Variants in SCO1 observed in about 807,000 individuals in gnomAD.
SCO1 encodes the protein cytochrome c oxidase assembly factor SCO1.
Under a neutral mutation model 34.0 loss-of-function variants are expected in SCO1, and 23 were observed. The ratio of observed to expected loss-of-function variants is 0.68; its 90% CI spans 0.49 to 0.96. SCO1 has a LOEUF of 0.96. Among genes scored for constraint, SCO1 ranks in the 40% least tolerant of loss-of-function variants. SCO1 has a pLI of 0.00. For missense variants in SCO1, 404 were observed against 381.6 expected, an observed-to-expected ratio of 1.06 and a Z score of -0.49; for synonymous variants, 161 against 145.5, an observed-to-expected ratio of 1.11 and a Z score of -0.77.
At chr17:10,687,916 T>C (rs936774047) in intron 4 of SCO1, among the ~76,000 whole-genome samples, 1 of 152,228 alleles carries the variant, frequency 6.6e-6, no homozygotes, top group Non-Finnish European at 1.5e-5. Flanking sequence ...ATGTTTAAAT[T>C]GAAGACTGTG....
chr17:10,695,865 T>C (rs773585112), intron 1 of SCO1, 34 bp from the exon 2 acceptor site: 14 of 1,475,332 alleles, frequency 9.5e-6, no homozygotes, highest in Non-Finnish European at 1.2e-5. Flanking sequence ...ATAAAAATTC[T>C]AGTAAGATGC....
chr17:10,683,388 T>C (rs568616001), intron 5 of SCO1, among the ~76,000 whole-genome samples: 46 of 152,312 alleles, frequency 3.0e-4, no homozygotes, highest in African/African-American at 1.1e-3. Context: ...GGTATATTTA[T>C]AGGATAAAGT....
At position 10,693,040 on chromosome 17, in the gene SCO1, C is replaced by T. The variant is rs951552121; in HGVS notation, c.365-79G>A. ...GTACTCAAATACCTGACATATGGCCCGTACTATGCTACTCATGGTGGGGGC... is the reference window on the plus strand; with the variant it reads ...GTACTCAAATACCTGACATATGGCCTGTACTATGCTACTCATGGTGGGGGC... On this transcript the variant is annotated intron_variant, in intron 2 of 5. Coordinates refer to ENST00000255390, the MANE Select transcript of SCO1 (RefSeq NM_004589.4). 7 of 1,201,900 alleles carry T rather than the reference C, an allele frequency of 5.8e-6. No individual in the cohort carries two copies. The African/African-American group carries it at 9.0e-5, about 15-fold the overall frequency. 74.5% of individuals were successfully genotyped at this position (1,201,900 alleles called of 1,614,324 possible).
intron 1 of SCO1, among the ~76,000 whole-genome samples, chr17:10,696,337 C>T (rs1406520021): frequency 2.6e-5 from 4 of 151,382 alleles, no homozygotes; most frequent in Non-Finnish European, 4.4e-5. Context: ...CCCAGCTACA[C>T]GGGAGGCTGA....
Position 10,678,493 on chromosome 17 carries a change from G to A in SCO1, c.*2626C>T, listed in dbSNP as rs962035528. The A allele has an allele frequency of 2.6e-5, 4 of 152,234 alleles. No homozygotes were observed. Among genetic ancestry groups the A allele is most frequent in the African/African-American group, 7.2e-5 (3 of 41,460 alleles). 9.4% of individuals were successfully genotyped at this position (152,234 alleles called of 1,614,324 possible). On this transcript the variant is annotated 3_prime_UTR_variant, in exon 6 of 6. Coordinates refer to ENST00000255390, the MANE Select transcript of SCO1 (RefSeq NM_004589.4). ...ATTTCACAAGCCTTAACCTGCAACA[G>A]CTGAGAACGAAGACTGAATCTTATC... is the stretch of plus-strand genomic sequence containing the variant.
chr17:10,695,789 C>A lies in SCO1; in HGVS notation c.316G>T (p.Gly106Ter). Residue 106 changes from glycine (G) to a stop codon, truncating the protein, a stop_gained, in exon 2 of 6, where the codon GGA becomes TGA. Coordinates refer to ENST00000255390, the MANE Select transcript of SCO1 (RefSeq NM_004589.4). LOFTEE classifies it high-confidence loss of function. ...TGCTTCATTCCAGCCAGTAAAGCTC[C>A]TCCAATAGCAAATGTGATTGCTAAA... ...KSLAITFAIG[G>*]ALLAGMKHVK... 1 of 1,613,724 alleles carries A rather than the reference C, an allele frequency of 6.2e-7. No individual in the cohort carries two copies. Among genetic ancestry groups the A allele is most frequent in the Non-Finnish European group, 8.5e-7 (1 of 1,179,904 alleles).
In SCO1 at chr17:10,677,602, ATTTTACTGGTAG is replaced by A. The variant is rs1421640938; in HGVS notation, c.*3505_*3516del. On this transcript the variant is annotated 3_prime_UTR_variant, in exon 6 of 6. Transcript: ENST00000255390. Reference sequence around the variant, plus strand: ...AAATCATTAGCCTCCCAACTCGCATATTTTACTGGTAGTCAGTAAATCTCACCTCTTACACTT... The same window carrying A: ...AAATCATTAGCCTCCCAACTCGCATATCAGTAAATCTCACCTCTTACACTT... 9.2e-5 allele frequency: 14 copies of A among 152,218 alleles called. No homozygotes were observed. The highest frequency in any genetic ancestry group is 3.4e-4 in the African/African-American group (14 of 41,466). The allele number at this position is 152,218 out of a possible 1,614,324, so 9.4% of individuals were successfully genotyped here. A position where few individuals can be genotyped will look rare whatever the true frequency, so the allele number is the denominator to read the frequency against.
intron 2 of SCO1, among the ~76,000 whole-genome samples, chr17:10,693,677 G>GAAAC (rs1288480102): frequency 6.6e-6 from 1 of 152,140 alleles, no homozygotes; most frequent in African/African-American, 2.4e-5. Flanking sequence ...TCACTAAAAG[G>GAAAC]AAACAGCTTT....
chr17:10,690,972 G>C (rs2074685901), intron 4 of SCO1, among the ~76,000 whole-genome samples: 1 of 152,138 alleles, frequency 6.6e-6, no homozygotes, highest in Non-Finnish European at 1.5e-5. Flanking sequence ...TTCATACGTG[G>C]AAACTAAAAA....
At chr17:10,690,198 G>T (rs993761894) in intron 4 of SCO1, among the ~76,000 whole-genome samples, 3 of 151,996 alleles carry the variant, frequency 2.0e-5, no homozygotes, top group Non-Finnish European at 4.4e-5. Context: ...GGCAAATGGG[G>T]TTATATCAAA....
chr17:10,681,326 C>T, intron 5 of SCO1, 73 bp from the exon 6 acceptor site: 1 of 1,490,922 alleles, frequency 6.7e-7, no homozygotes, highest in Non-Finnish European at 9.3e-7. Flanking sequence ...ATGTATGCTG[C>T]AAGATAAGAG....
intron 5 of SCO1, among the ~76,000 whole-genome samples, chr17:10,683,414 T>G (rs1348232939): frequency 6.6e-6 from 1 of 152,172 alleles, no homozygotes; most frequent in Non-Finnish European, 1.5e-5. Context: ...AAGTAGAATC[T>G]CTTGCATAAA....
At chr17:10,689,637 A>C (rs1311500737) in intron 4 of SCO1, among the ~76,000 whole-genome samples, 1 of 152,242 alleles carries the variant, frequency 6.6e-6, no homozygotes, top group Non-Finnish European at 1.5e-5. Flanking sequence ...AACAGCTTTT[A>C]ACTAGCATAC....
At chr17:10,693,010 C>T (rs2151457141) in intron 2 of SCO1, 49 bp from the exon 3 acceptor site, 1 of 1,534,156 alleles carries the variant, frequency 6.5e-7, no homozygotes, top group East Asian at 2.2e-5. Flanking sequence ...TCAATTTAAC[C>T]AGAGGTACTC....
rs1308917567 is a variant in SCO1 at position 10,674,088 on chromosome 17, G to A, written c.*7031C>T. The A allele has an allele frequency of 6.6e-6, 1 of 152,262 alleles. No individual in the cohort carries two copies. The highest frequency in any genetic ancestry group is 1.5e-5 in the Non-Finnish European group (1 of 68,094). The allele number at this position is 152,262 out of a possible 1,614,324, so 9.4% of individuals were successfully genotyped here. ...GTATTGGGGGTTGAGGAGAATCCAT[G>A]TGCCTAAGACTGAGGTGGGGATCTT... On this transcript the variant is annotated 3_prime_UTR_variant, in exon 6 of 6. Coordinates refer to ENST00000255390, the MANE Select transcript of SCO1 (RefSeq NM_004589.4).
rs776887702 is a variant in SCO1 at position 10,697,408 on chromosome 17, C to T, written c.100G>A (p.Glu34Lys). The change falls in exon 1 of 6, where the codon GAG (glutamate) becomes AAG (lysine). Residue 34 changes from glutamate to lysine, a missense_variant. By Grantham distance (56) the Glu-to-Lys change is moderately conservative (BLOSUM62 1). Coordinates refer to ENST00000255390, the MANE Select transcript of SCO1 (RefSeq NM_004589.4). ...CTCAGCAAGACTCTCGCAGTCCCCT[C>T]GGCTGGGCCCCAAAACTCGAGTCCG... Reference protein sequence around the residue: ...PRGLEFWGPAEGTARVLLRQF... With the variant: ...PRGLEFWGPAKGTARVLLRQF... 6.2e-7 allele frequency: 1 copy of T among 1,608,320 alleles called. No individual in the cohort carries two copies. Among genetic ancestry groups the T allele is most frequent in the Non-Finnish European group, 8.5e-7 (1 of 1,177,550 alleles).
intron 4 of SCO1, among the ~76,000 whole-genome samples, chr17:10,690,932 A>G (rs896643966): frequency 6.6e-6 from 1 of 152,220 alleles, no homozygotes; most frequent in Non-Finnish European, 1.5e-5. Context: ...AAATGAAAAA[A>G]GTCAGGCACA....
intron 1 of SCO1, among the ~76,000 whole-genome samples, chr17:10,696,909 C>T (rs1460251635): frequency 6.6e-6 from 1 of 151,724 alleles, no homozygotes. Context: ...TTCTCAATCA[C>T]GGTAAACTTT....
At chr17:10,688,350 C>G (rs1050903677) in intron 4 of SCO1, among the ~76,000 whole-genome samples, 5 of 152,194 alleles carry the variant, frequency 3.3e-5, no homozygotes, top group Non-Finnish European at 7.3e-5. Context: ...TGAACAGACA[C>G]TTCACTAAAG....
Sources: allele counts gnomAD v4.1 joint callset (sites outside exome capture counted in the v4.1 genomes callset), GRCh38; gene constraint gnomAD v4.1.1; transcripts MANE v1.5; gene names NCBI Gene and HGNC (gene_info 2026-07-23, HGNC 2026-07-21).